Variants in NPC1L1 observed in about 807,000 individuals in gnomAD.
NPC1L1 encodes the protein NPC1 like intracellular cholesterol transporter 1.
A neutral mutation model predicts 117.0 loss-of-function variants in NPC1L1; 98 were observed. The observed-to-expected ratio is 0.84, with a 90% CI of 0.71 to 0.99. The LOEUF is 0.99. Among genes scored for constraint, NPC1L1 ranks in the 50% least tolerant of loss-of-function variants. The probability of loss-of-function intolerance (pLI) is 0.00; values close to 1 mark genes in which losing one functional copy is unlikely to be tolerated. For synonymous variants in NPC1L1, 729 were observed against 727.6 expected (o/e 1.00, Z -0.03); for missense variants, 1,540 against 1,710.0 (o/e 0.90, Z 1.75).
intron 2 of NPC1L1, 108 bp from the exon 3 acceptor site, chr7:44,537,050 G>T: frequency 1.2e-6 from 1 of 859,618 alleles, no homozygotes; most frequent in Non-Finnish European, 1.8e-6. Flanking sequence ...TGGAGGGTGA[G>T]CTGGTGGGGT....
chr7:44,521,020 C>T lies in NPC1L1; in HGVS notation c.3052G>A (p.Asp1018Asn), dbSNP rs769974069. The T allele has an allele frequency of 4.3e-6, 7 of 1,614,012 alleles. No individual in the cohort carries two copies. Among genetic ancestry groups the T allele is most frequent in the South Asian group, 3.3e-5 (3 of 91,064 alleles). Residue 1018 changes from aspartate (D) to asparagine (N), a missense_variant, in exon 13 of 19, where the codon GAC (aspartate) becomes AAC (asparagine). By Grantham distance (23) the Asp-to-Asn change is conservative (BLOSUM62 1). Coordinates refer to ENST00000381160, the MANE Select transcript of NPC1L1 (RefSeq NM_001101648.2). ...FHKYLPWFLN[D>N]RPNIKCPKGG... The stretch of plus-strand genomic sequence containing the variant: ...TTGGGACATTTGATGTTGGGCCGGT[C>T]GTTCAGGAACCAGGGAAGATACTTA...
rs1299874141 is a variant in NPC1L1, at chr7:44,532,967, G to C, written c.2409+464C>G. Among the ~76,000 whole-genome samples, 3 of 152,174 alleles carry C rather than the reference G, an allele frequency of 2.0e-5. No homozygotes were observed. In the East Asian group the frequency reaches 5.8e-4, roughly 29 times the overall value. On this transcript the variant is annotated intron_variant, in intron 8 of 18. Transcript: ENST00000381160. ...AAAAACACAAAAATTAGCCAGGCGT[G>C]CAGGAGGAGGGGGCCTGTAATCCCA...
At chr7:44,524,358 C>T (rs375654914) in intron 10 of NPC1L1, among the ~76,000 whole-genome samples, 11 of 152,200 alleles carry the variant, frequency 7.2e-5, no homozygotes, top group African/African-American at 2.2e-4. Context: ...CAAAAACACA[C>T]CAAGAAAAAG....
rs748463091 is a variant in NPC1L1, at chr7:44,522,140, C to T, written c.2740G>A (p.Ala914Thr). 1.9e-6 allele frequency: 3 copies of T among 1,613,914 alleles called. No homozygotes were observed. The highest frequency in any genetic ancestry group is 2.5e-6 in the Non-Finnish European group (3 of 1,179,978). Residue 914 changes from alanine (A) to threonine (T), a missense_variant, in exon 11 of 19, where the codon GCT becomes ACT. By Grantham distance (58) the Ala-to-Thr change is moderately conservative. This residue lies in a region of NPC1L1 where 742 missense variants were observed against 873.6 expected (regional missense o/e 0.85). Transcript: ENST00000381160. ...CTGGAGCAGATGGCATTCATCCCAG[C>T]CTCGCTGGAGAAGTTGTAGCCCAAG... ...TTLGYNFSSE[A>T]GMNAICSSAG...
In NPC1L1 at chr7:44,539,919, A is replaced by T. The variant is rs761803878; in HGVS notation, c.478T>A (p.Tyr160Asn). The part of the protein sequence containing the change: ...LPAVVAYEAF[Y>N]QHSFAEQSYD... ...CTCTGCTCGGCAAAGCTATGCTGGT[A>T]GAAGGCCTCATAGGCCACCACAGCT... Residue 160 changes from tyrosine (Y) to asparagine (N), a missense_variant, in exon 2 of 19, where the codon TAC (tyrosine) becomes AAC (asparagine). Tyr to Asn is a moderately radical substitution (Grantham distance 143, BLOSUM62 -2). Transcript: ENST00000381160. The surrounding 1 kb of genome is among the most constrained non-coding windows in gnomAD (Gnocchi z 4.4). The T allele has an allele frequency of 6.2e-7, 1 of 1,614,184 alleles. No homozygotes were observed. Among genetic ancestry groups the T allele is most frequent in the Non-Finnish European group, 8.5e-7 (1 of 1,180,032 alleles).
chr7:44,521,711 C>T lies in NPC1L1; in HGVS notation c.2953+1G>A. 6.2e-7 allele frequency: 1 copy of T among 1,614,128 alleles called. No homozygotes were observed. Among genetic ancestry groups the T allele is most frequent in the Non-Finnish European group, 8.5e-7 (1 of 1,180,002 alleles). ...GTGAGTCCCCATGGCCCCACACTCACTGACGGTCGAGGGGCAGAACTTGTC... is the reference window on the plus strand; with the variant it reads ...GTGAGTCCCCATGGCCCCACACTCATTGACGGTCGAGGGGCAGAACTTGTC... On this transcript the variant is annotated splice_donor_variant, in intron 12 of 18. Coordinates refer to ENST00000381160, the MANE Select transcript of NPC1L1 (RefSeq NM_001101648.2). LOFTEE classifies it high-confidence loss of function.
rs930372749 is a variant in NPC1L1 at position 44,521,003 on chromosome 7, T to G, written c.3069A>C (p.Lys1023Asn). The change falls in exon 13 of 19, where the codon AAA becomes AAC. Residue 1023 changes from lysine to asparagine, a missense_variant. Physicochemically the swap from Lys to Asn is moderately conservative, Grantham distance 94. This residue lies in a region of NPC1L1 where 742 missense variants were observed against 873.6 expected (regional missense o/e 0.85). Coordinates refer to ENST00000381160, the MANE Select transcript of NPC1L1 (RefSeq NM_001101648.2). ...CCTCCCAAGCTTACCCTTTGGGACA[T>G]TTGATGTTGGGCCGGTCGTTCAGGA... ...PWFLNDRPNI[K>N]CPKGGLAAYS... 2.5e-6 allele frequency: 4 copies of G among 1,614,096 alleles called. No individual in the cohort carries two copies. The highest frequency in any genetic ancestry group is 3.4e-6 in the Non-Finnish European group (4 of 1,179,996).
intron 5 of NPC1L1, among the ~76,000 whole-genome samples, chr7:44,535,107 G>A (rs1801832329): frequency 6.6e-6 from 1 of 152,052 alleles, no homozygotes; most frequent in African/African-American, 2.4e-5. Context: ...GGACGTGGTA[G>A]CTCACGCATG....
chr7:44,523,350 C>T (rs1006580363), intron 10 of NPC1L1, among the ~76,000 whole-genome samples: 12 of 152,180 alleles, frequency 7.9e-5, no homozygotes, highest in Admixed American at 5.9e-4. Flanking sequence ...GCCACCACAC[C>T]GGCCCTAGTG....
At chr7:44,528,144 G>A (rs1005901730) in intron 10 of NPC1L1, among the ~76,000 whole-genome samples, 2 of 152,094 alleles carry the variant, frequency 1.3e-5, no homozygotes, top group South Asian at 2.1e-4. Flanking sequence ...TTGAGACAAG[G>A]TGTCTCTCTG....
intron 10 of NPC1L1, among the ~76,000 whole-genome samples, chr7:44,522,466 G>C (rs975519261): frequency 6.6e-6 from 1 of 152,096 alleles, no homozygotes; most frequent in African/African-American, 2.4e-5. Flanking sequence ...TATACACGTA[G>C]ATACATGCTT....
rs1439232307 is a variant in NPC1L1 at position 44,513,469 on chromosome 7, G to T, written c.3977C>A (p.Pro1326His). 1 of 1,614,200 alleles carries T rather than the reference G, an allele frequency of 6.2e-7. No individual in the cohort carries two copies. Among genetic ancestry groups the T allele is most frequent in the Non-Finnish European group, 8.5e-7 (1 of 1,180,028 alleles). ...KGAGAISNFL[P>H]NNGRQF is the part of the protein sequence containing the mutation. ...GTATCAGAACTGCCGCCCATTGTTG[G>T]GCAAGAAGTTGCTGATGGCACCAGC... Residue 1326 changes from proline to histidine, a missense_variant, in exon 19 of 19, where the codon CCC becomes CAC. Transcript: ENST00000381160.
intron 1 of NPC1L1, among the ~76,000 whole-genome samples, chr7:44,540,920 G>A (rs1397189997): frequency 7.2e-5 from 11 of 151,996 alleles, no homozygotes; most frequent in Admixed American, 7.2e-4. Flanking sequence ...TCCCTCAACT[G>A]CAGGCCTGGA....
In NPC1L1 at chr7:44,536,535, C is replaced by T. The variant is rs1165298996; in HGVS notation, c.1682-107G>A. ...CTATCTAGCTGCACCCCTCCCATCA[C>T]CCCTTGCTCCTTCTCCCCCACTCCT... On this transcript the variant is annotated intron_variant, in intron 3 of 18. Transcript: ENST00000381160. This position sits in a 1 kb window ranked among gnomAD's most constrained non-coding sequence, Gnocchi z 4.7. 8.1e-7 allele frequency: 1 copy of T among 1,240,264 alleles called. No homozygotes were observed. The highest frequency in any genetic ancestry group is 1.2e-6 in the Non-Finnish European group (1 of 859,846). The allele number at this position is 1,240,264 out of a possible 1,614,324, so 76.8% of individuals were successfully genotyped here.
intron 14 of NPC1L1, among the ~76,000 whole-genome samples, chr7:44,520,411 A>T (rs1003838035): frequency 1.3e-5 from 2 of 152,158 alleles, no homozygotes; most frequent in African/African-American, 2.4e-5. Flanking sequence ...ACTTTAAATG[A>T]CTGCTAGGAT....
chr7:44,522,865 C>T (rs931327482), intron 10 of NPC1L1, among the ~76,000 whole-genome samples: 24 of 151,328 alleles, frequency 1.6e-4, no homozygotes, highest in Middle Eastern at 3.4e-3. Context: ...CCTGTGACAA[C>T]GGCCCATATT....
rs753296260 is a variant in NPC1L1 at position 44,536,913 on chromosome 7, G to T, written c.1610C>A (p.Ala537Asp). 17 of 1,613,988 alleles carry T rather than the reference G, an allele frequency of 1.1e-5. No homozygotes were observed. The highest frequency in any genetic ancestry group is 5.0e-5 in the Admixed American group (3 of 60,002). Residue 537 changes from alanine (A) to aspartate (D), a missense_variant, in exon 3 of 19, where the codon GCC becomes GAC. Ala to Asp is a moderately radical substitution (Grantham distance 126). This residue lies in a region of NPC1L1 where 793 missense variants were observed against 820.4 expected (regional missense o/e 0.97). Coordinates refer to ENST00000381160, the MANE Select transcript of NPC1L1 (RefSeq NM_001101648.2). This position sits in a 1 kb window ranked among gnomAD's most constrained non-coding sequence, Gnocchi z 4.7. ...NAPLTFKDGT[A>D]LALSCMADYG... ...GTCAGCCATGCAGCTCAGGGCCAGG[G>T]CTGTGCCATCCTTGAAGGTGAGCGG...
At chr7:44,525,067 G>A (rs1480207739) in intron 10 of NPC1L1, among the ~76,000 whole-genome samples, 1 of 152,094 alleles carries the variant, frequency 6.6e-6, no homozygotes, top group African/African-American at 2.4e-5. Context: ...GGACCTGTCA[G>A]ACATCATCAT....
At chr7:44,527,880 A>G (rs1017382001) in intron 10 of NPC1L1, among the ~76,000 whole-genome samples, 1 of 152,210 alleles carries the variant, frequency 6.6e-6, no homozygotes, top group African/African-American at 2.4e-5. Flanking sequence ...GCTGGAGTAC[A>G]GTGGTACGAT....
Sources: gnomAD v4.1 joint callset for allele counts (sites outside exome capture counted in the v4.1 genomes callset) on GRCh38, gnomAD v4.1.1 for gene constraint, gnomAD v4.1.1 regional missense constraint, Gnocchi (gnomAD v3.1) non-coding constraint, MANE v1.5 for transcripts, NCBI Gene and HGNC (gene_info 2026-07-23, HGNC 2026-07-21) for gene names.